Variants in LONP2 observed in about 807,000 individuals in gnomAD.
LONP2 encodes lon protease homolog 2, peroxisomal.
In LONP2, 60 loss-of-function variants were observed where a neutral mutation model predicts 85.6. The observed-to-expected ratio is 0.70, with a 90% CI of 0.57 to 0.87. The LOEUF is 0.87. Ranked by LOEUF, LONP2 falls within the 40% of genes least tolerant of loss-of-function variation. The pLI, the probability that LONP2 is intolerant of heterozygous loss-of-function variation, is 0.00. For missense variants in LONP2, 860 were observed against 1,063.5 expected, an observed-to-expected ratio of 0.81 and a Z score of 2.66; for synonymous variants, 395 against 389.7, an observed-to-expected ratio of 1.01 and a Z score of -0.16.
chr16:48,308,193 A>G (rs769025807), intron 11 of LONP2, among the ~76,000 whole-genome samples: 4 of 152,250 alleles, frequency 2.6e-5, no homozygotes, highest in Non-Finnish European at 4.4e-5. Context: ...CCACAAATCT[A>G]CAGCCAACTG....
In LONP2 at chr16:48,356,677, T is replaced by A. The variant is rs1009330704; in HGVS notation, c.*4875T>A. On this transcript the variant is annotated 3_prime_UTR_variant, in exon 15 of 15. Coordinates refer to ENST00000285737, the MANE Select transcript of LONP2 (RefSeq NM_031490.5). ...AAAATGCTGAAAGAGGAAGGAAATA[T>A]CAAAAAGGTCTGAATAGACAACAGG... 2.6e-6 allele frequency: 1 copy of A among 390,632 alleles called. No individual in the cohort carries two copies. Among genetic ancestry groups the A allele is most frequent in the African/African-American group, 2.1e-5 (1 of 47,952 alleles). The allele number at this position is 390,632 out of a possible 1,614,324, so 24.2% of individuals were successfully genotyped here. A position where few individuals can be genotyped will look rare whatever the true frequency, so the allele number is the denominator to read the frequency against.
chr16:48,260,181 G>A (rs1338818585), intron 4 of LONP2, among the ~76,000 whole-genome samples: 1 of 152,098 alleles, frequency 6.6e-6, no homozygotes, highest in Non-Finnish European at 1.5e-5. Flanking sequence ...GATGACTTAT[G>A]TAAGAATAAA....
At chr16:48,258,481 G>T in intron 3 of LONP2, 137 bp from the exon 4 acceptor site, 1 of 662,278 alleles carries the variant, frequency 1.5e-6, no homozygotes. Context: ...TCATTTGGTT[G>T]TCTTAGCCAT....
Position 48,267,042 on chromosome 16 carries a change from C to T in LONP2, c.983-2974C>T, listed in dbSNP as rs981876444. Among the ~76,000 whole-genome samples, 13 of 152,208 alleles carry T rather than the reference C, an allele frequency of 8.5e-5. No homozygotes were observed. In the East Asian group the frequency reaches 1.9e-3, roughly 23 times the overall value. ...TTAAATTTATGTAATGTTTGCATGT[C>T]GTGACAAAATACTGCCTTTTAGTTG... On this transcript the variant is annotated intron_variant, in intron 6 of 14. Coordinates refer to ENST00000285737, the MANE Select transcript of LONP2 (RefSeq NM_031490.5).
At chr16:48,244,708 A>G in intron 1 of LONP2, 87 bp downstream of exon 1, 1 of 1,000,350 alleles carries the variant, frequency 1.0e-6, no homozygotes, top group Non-Finnish European at 1.3e-6. Context: ...CTTGAGCGCG[A>G]GGCTCAGTTC....
At chr16:48,343,188 G>A (rs559846506) in intron 12 of LONP2, among the ~76,000 whole-genome samples, 15 of 152,280 alleles carry the variant, frequency 9.9e-5, no homozygotes, top group Admixed American at 7.8e-4. Flanking sequence ...GCCTGCATCA[G>A]GATGCTTGGT....
Position 48,354,089 on chromosome 16 carries a change from G to T in LONP2, c.*2287G>T. ...TGGGTTTTTTTTTTTTGGGGGGGGT[G>T]GGGGGTTAGGGGTGGGGCGGGTGGG... On this transcript the variant is annotated 3_prime_UTR_variant, in exon 15 of 15. Coordinates refer to ENST00000285737, the MANE Select transcript of LONP2 (RefSeq NM_031490.5). 1 of 122,386 alleles carries T rather than the reference G, an allele frequency of 8.2e-6. No homozygotes were observed. Among genetic ancestry groups the T allele is most frequent in the Non-Finnish European group, 1.7e-5 (1 of 58,696 alleles). The allele number at this position is 122,386 out of a possible 1,614,324, so 7.6% of individuals were successfully genotyped here.
At chr16:48,307,773 G>T (rs1972941753) in intron 11 of LONP2, among the ~76,000 whole-genome samples, 1 of 152,176 alleles carries the variant, frequency 6.6e-6, no homozygotes, top group Admixed American at 6.5e-5. Flanking sequence ...ATTCCATTTT[G>T]CTGTGCTACA....
chr16:48,325,452 A>G (rs1187904539), intron 11 of LONP2, among the ~76,000 whole-genome samples: 2 of 151,866 alleles, frequency 1.3e-5, no homozygotes, highest in East Asian at 3.9e-4. Flanking sequence ...CCACTGTTCT[A>G]CTCTCTGTTT....
rs865807386 is a variant in LONP2, at chr16:48,362,835, G to A, written c.*972G>A. The A allele has an allele frequency of 1.6e-4, 30 of 192,150 alleles. No individual in the cohort carries two copies. The highest frequency in any genetic ancestry group is 2.7e-4 in the Non-Finnish European group (23 of 83,812). 11.9% of individuals were successfully genotyped at this position (192,150 alleles called of 1,614,324 possible). ...TTACTCTATTTCTTTCTAATTTGGA[G>A]TCAGCTGTTGATAGGTACAGGGAGT... On this transcript the variant is annotated 3_prime_UTR_variant, in exon 5 of 5. Coordinates refer to the LONP2 transcript ENST00000565867. The surrounding 1 kb of genome is among the most constrained non-coding windows in gnomAD (Gnocchi z 4.2).
chr16:48,335,989 A>G (rs997503113), intron 12 of LONP2, among the ~76,000 whole-genome samples: 1 of 152,248 alleles, frequency 6.6e-6, no homozygotes, highest in East Asian at 1.9e-4. Flanking sequence ...GGGAGGATCC[A>G]GTGACATTGT....
At chr16:48,359,878 A>G (rs1960513083), downstream of LONP2, among the ~76,000 whole-genome samples, 1 of 152,240 alleles carries the variant, frequency 6.6e-6, no homozygotes, top group Non-Finnish European at 1.5e-5. Context: ...CCAAATTTTC[A>G]TTGACTTTCT....
chr16:48,271,405 A>G (rs1972102761), intron 7 of LONP2, among the ~76,000 whole-genome samples: 1 of 152,234 alleles, frequency 6.6e-6, no homozygotes, highest in Non-Finnish European at 1.5e-5. Context: ...GTTTAAATGT[A>G]GGAACCATGA....
intron 8 of LONP2, among the ~76,000 whole-genome samples, chr16:48,283,439 A>G (rs956196090): frequency 6.6e-6 from 1 of 152,184 alleles, no homozygotes; most frequent in Admixed American, 6.5e-5. Context: ...GTTAGGGGCT[A>G]ATGCAGCTGG....
rs759871716 is a variant in LONP2, at chr16:48,347,758, GT to G, written c.2146+45del. 233 of 1,560,682 alleles carry G rather than the reference GT, an allele frequency of 1.5e-4. 1 individual carries two copies. Among genetic ancestry groups the G allele is most frequent in the Middle Eastern group, 2.2e-4 (1 of 4,476 alleles). Reference sequence around the variant, plus strand: ...CCAGGCAGGCGTGACCCAGGAGGCGGTACCTTCCATGGCGGAGACTGGCATG... The same window carrying G: ...CCAGGCAGGCGTGACCCAGGAGGCGGACCTTCCATGGCGGAGACTGGCATG... On this transcript the variant is annotated intron_variant, in intron 13 of 14. Coordinates refer to ENST00000285737, the MANE Select transcript of LONP2 (RefSeq NM_031490.5).
At chr16:48,303,487 C>G (rs1972850328) in intron 11 of LONP2, among the ~76,000 whole-genome samples, 182 bp downstream of exon 11, 2 of 152,232 alleles carry the variant, frequency 1.3e-5, no homozygotes, top group African/African-American at 2.4e-5. Context: ...AGAGGATTGT[C>G]TTTTACAAAT....
intron 11 of LONP2, among the ~76,000 whole-genome samples, chr16:48,312,684 G>A (rs1973058972): frequency 6.6e-6 from 1 of 152,128 alleles, no homozygotes; most frequent in African/African-American, 2.4e-5. Flanking sequence ...TGGCAGCAGA[G>A]GTCGTGCAAA....
downstream of LONP2, among the ~76,000 whole-genome samples, chr16:48,357,893 C>G (rs897331276): frequency 6.6e-6 from 1 of 152,136 alleles, no homozygotes; most frequent in African/African-American, 2.4e-5. Context: ...AATTAACACA[C>G]CAAACTGGCC....
chr16:48,258,581 T>C (rs769180727), intron 3 of LONP2, 37 bp from the exon 4 acceptor site: 27 of 1,558,904 alleles, frequency 1.7e-5, no homozygotes, highest in Non-Finnish European at 2.2e-5. Context: ...TGTGTGTTTC[T>C]GAGAGAGATC....
Sources: allele counts gnomAD v4.1 joint callset (sites outside exome capture counted in the v4.1 genomes callset), GRCh38; gene constraint gnomAD v4.1.1; non-coding constraint Gnocchi (gnomAD v3.1); transcripts MANE v1.5; gene names NCBI Gene and HGNC (gene_info 2026-07-23, HGNC 2026-07-21).